Variants in THSD4 observed in about 807,000 individuals in gnomAD.
The protein encoded by THSD4 is thrombospondin type-1 domain-containing protein 4.
Under a neutral mutation model 119.0 loss-of-function variants are expected in THSD4, and 69 were observed. That is an observed-to-expected ratio of 0.58 (90% CI 0.48 to 0.71). The LOEUF is 0.71. Among genes scored for constraint, THSD4 ranks in the 30% least tolerant of loss-of-function variants. THSD4 has a pLI of 0.00. For missense variants in THSD4, 1,393 were observed against 1,391.1 expected (o/e 1.00, Z -0.02); for synonymous variants, 524 against 540.4 (o/e 0.97, Z 0.42).
chr15:71,761,310 T>C (rs1416545419), intron 15 of THSD4, among the ~76,000 whole-genome samples: 1 of 152,172 alleles, frequency 6.6e-6, no homozygotes, highest in East Asian at 1.9e-4. Context: ...TGTCAAGTTA[T>C]CAGTGACCAC....
intron 6 of THSD4, among the ~76,000 whole-genome samples, chr15:71,356,373 AC>A (rs2045810990): frequency 6.6e-6 from 1 of 152,020 alleles, no homozygotes; most frequent in African/African-American, 2.4e-5. Flanking sequence ...CACACTTATT[AC>A]AGTCCAACAT....
chr15:71,417,432 T>C (rs1046363234), intron 7 of THSD4, among the ~76,000 whole-genome samples: 3 of 108,460 alleles, frequency 2.8e-5, no homozygotes, highest in African/African-American at 9.4e-5. Flanking sequence ...GATAGGAGTT[T>C]AGTTTCATTC....
intron 8 of THSD4, among the ~76,000 whole-genome samples, chr15:71,689,839 A>G (rs2052009234): frequency 6.6e-6 from 1 of 152,170 alleles, no homozygotes; most frequent in South Asian, 2.1e-4. Context: ...TGAGTCCAGA[A>G]TCCTTTCTGG....
intron 6 of THSD4, among the ~76,000 whole-genome samples, chr15:71,299,255 C>T (rs2044911359): frequency 6.6e-6 from 1 of 152,160 alleles, no homozygotes; most frequent in African/African-American, 2.4e-5. Flanking sequence ...ATTGTGGATG[C>T]TTCGATATTC....
At chr15:71,697,880 CTATG>C (rs1342066696) in intron 8 of THSD4, among the ~76,000 whole-genome samples, 1 of 151,720 alleles carries the variant, frequency 6.6e-6, no homozygotes, top group African/African-American at 2.4e-5. Flanking sequence ...TCTTTTTTCT[CTATG>C]TATGCATGGA....
intron 7 of THSD4, among the ~76,000 whole-genome samples, chr15:71,465,734 T>G (rs2047489921): frequency 6.6e-6 from 1 of 152,202 alleles, no homozygotes; most frequent in Non-Finnish European, 1.5e-5. Context: ...CAAAACCTGC[T>G]TTGTTGCTCT....
At chr15:71,262,052 C>T (rs140433283) in intron 6 of THSD4, among the ~76,000 whole-genome samples, 100 of 152,250 alleles carry the variant, frequency 6.6e-4, no homozygotes, top group Non-Finnish European at 1.3e-3. Flanking sequence ...GATTTTGCAT[C>T]GGGCTCTTGG....
intron 7 of THSD4, among the ~76,000 whole-genome samples, chr15:71,470,653 G>A (rs1378985300): frequency 6.6e-6 from 1 of 150,988 alleles, no homozygotes; most frequent in Non-Finnish European, 1.5e-5. Flanking sequence ...TTTTGAGACG[G>A]AGTCTCGCTC....
At chr15:71,346,016 C>T (rs1409563215) in intron 6 of THSD4, among the ~76,000 whole-genome samples, 3 of 152,102 alleles carry the variant, frequency 2.0e-5, no homozygotes, top group African/African-American at 7.2e-5. Context: ...ATTGCTACCA[C>T]CCAGTCCCCA....
At chr15:71,097,664 A>G (rs1243850811) in intron 1 of THSD4, among the ~76,000 whole-genome samples, 6 of 150,638 alleles carry the variant, frequency 4.0e-5, no homozygotes, top group South Asian at 4.2e-4. Flanking sequence ...GTTATACGTT[A>G]TATCTTATAA....
chr15:71,341,330 C>G, intron 6 of THSD4: 3 of 1,605,738 alleles, frequency 1.9e-6, no homozygotes, highest in Non-Finnish European at 2.5e-6. Flanking sequence ...TCTGTAGGTC[C>G]GGCGGTGCAT....
At chr15:71,444,392 C>T (rs2047151276) in intron 7 of THSD4, among the ~76,000 whole-genome samples, 1 of 152,220 alleles carries the variant, frequency 6.6e-6, no homozygotes, top group Non-Finnish European at 1.5e-5. Flanking sequence ...GTCTCTTCTA[C>T]AGCCACTGGT....
At chr15:71,225,042 A>T (rs2044004239) in intron 4 of THSD4, among the ~76,000 whole-genome samples, 1 of 152,230 alleles carries the variant, frequency 6.6e-6, no homozygotes, top group South Asian at 2.1e-4. Context: ...ATGATTACTC[A>T]AGCAATAGGA....
At chr15:71,189,618 C>T (rs549683701) in intron 3 of THSD4, among the ~76,000 whole-genome samples, 2 of 151,498 alleles carry the variant, frequency 1.3e-5, no homozygotes, top group East Asian at 3.9e-4. Context: ...TACAGTGAGC[C>T]GAGATCGCGC....
intron 7 of THSD4, among the ~76,000 whole-genome samples, chr15:71,446,709 A>G (rs188690510): frequency 6.6e-6 from 1 of 152,190 alleles, no homozygotes; most frequent in East Asian, 1.9e-4. Flanking sequence ...ATCAAGGACA[A>G]GTTTCTCTTC....
intron 7 of THSD4, among the ~76,000 whole-genome samples, chr15:71,415,186 A>C (rs1327631517): frequency 6.6e-6 from 1 of 152,218 alleles, no homozygotes; most frequent in Non-Finnish European, 1.5e-5. Context: ...TTGCAAGAAA[A>C]GTTAATGAAA....
At chr15:71,596,586 C>G (rs1187306154) in intron 7 of THSD4, among the ~76,000 whole-genome samples, 1 of 152,206 alleles carries the variant, frequency 6.6e-6, no homozygotes, top group African/African-American at 2.4e-5. Flanking sequence ...TCTAGTTACT[C>G]CAGATTGAGT....
intron 7 of THSD4, among the ~76,000 whole-genome samples, chr15:71,445,321 C>T (rs534037675): frequency 1.9e-4 from 29 of 152,320 alleles, no homozygotes; most frequent in Middle Eastern, 3.4e-3. Context: ...AAATCCTAAA[C>T]TAGGAACAAA....
At chr15:71,584,115 A>G (rs1205517144) in intron 7 of THSD4, among the ~76,000 whole-genome samples, 2 of 151,988 alleles carry the variant, frequency 1.3e-5, no homozygotes, top group Non-Finnish European at 2.9e-5. Flanking sequence ...TATTCTCTTG[A>G]TGATTCTCTT....
Sources: gnomAD v4.1 joint callset for allele counts (sites outside exome capture counted in the v4.1 genomes callset) on GRCh38, gnomAD v4.1.1 for gene constraint, MANE v1.5 for transcripts, NCBI Gene and HGNC (gene_info 2026-07-23, HGNC 2026-07-21) for gene names.